WDR89: variants seen among roughly 807,000 people sequenced by gnomAD.
WDR89 encodes WD repeat domain 89.
In WDR89, 17 loss-of-function variants were observed where a neutral mutation model predicts 29.1. The ratio of observed to expected loss-of-function variants is 0.58; its 90% CI spans 0.40 to 0.88. The LOEUF (loss-of-function observed/expected upper bound fraction) is 0.88. Among genes scored for constraint, WDR89 ranks in the 40% least tolerant of loss-of-function variants. The pLI is 0.00. For missense variants in WDR89, 396 were observed against 456.3 expected (o/e 0.87, Z 1.20); for synonymous variants, 138 against 157.8 (o/e 0.87, Z 0.94).
At chr14:63,601,420 G>A (rs2139486755) in intron 2 of WDR89, 1 of 827,924 alleles carries the variant, frequency 1.2e-6, no homozygotes, top group Non-Finnish European at 2.0e-6. Context: ...TGTAGGACAA[G>A]TTCAAGGCCA....
At chr14:63,627,396 T>C (rs538761050) in intron 1 of WDR89, among the ~76,000 whole-genome samples, 13 of 152,290 alleles carry the variant, frequency 8.5e-5, no homozygotes, top group South Asian at 8.3e-4. Flanking sequence ...AATTAGAGTA[T>C]TGCCACATAA....
rs35582220 is a variant in WDR89 at position 63,626,676 on chromosome 14, CAAAAAAAAAAAAAAAAAAA to C, written c.-137-1662_-137-1644del. On this transcript the variant is annotated intron_variant, in intron 1 of 2. Transcript: ENST00000620954. ...CCTGGGCTACAGAGTGAGACTGTCT[CAAAAAAAAAAAAAAAAAAA>C]AAAAAAAAAAAAAAAGTTCCGTCTT... Among the ~76,000 whole-genome samples the C allele has an allele frequency of 8.4e-4, 29 of 34,588 alleles. 1 individual carries two copies. The South Asian group carries it at 0.017, about 21-fold the overall frequency. The allele number at this position is 34,588 out of a possible 152,430, so 22.7% of individuals were successfully genotyped here.
intron 1 of WDR89, among the ~76,000 whole-genome samples, chr14:63,632,322 T>C (rs1424034448): frequency 6.6e-6 from 1 of 151,254 alleles, no homozygotes; most frequent in Non-Finnish European, 1.5e-5. Context: ...CTATAGGAAG[T>C]AGCAGCACTT....
chr14:63,608,666 G>GCACACACACACA lies in WDR89; in HGVS notation c.-31-8705_-31-8694dup, dbSNP rs57605983. Among the ~76,000 whole-genome samples the GCACACACACACA allele has an allele frequency of 7.6e-3, 1,101 of 144,732 alleles. 8 individuals are homozygous for GCACACACACACA. The highest frequency in any genetic ancestry group is 0.014 in the African/African-American group (549 of 39,806). 94.9% of individuals were successfully genotyped at this position (144,732 alleles called of 152,430 possible). A position where few individuals can be genotyped will look rare whatever the true frequency, so the allele number is the denominator to read the frequency against. On this transcript the variant is annotated intron_variant, in intron 2 of 2. Transcript: ENST00000620954. Reference sequence around the variant, plus strand: ...ACAAAAACCAGCCAGTGTGGTGCATGCACACACACACACACACACACACAC... The same window carrying GCACACACACACA: ...ACAAAAACCAGCCAGTGTGGTGCATGCACACACACACACACACACACACACACACACACACAC...
intron 2 of WDR89, among the ~76,000 whole-genome samples, chr14:63,605,514 C>T (rs1399850172): frequency 6.6e-6 from 1 of 151,630 alleles, no homozygotes; most frequent in Non-Finnish European, 1.5e-5. Flanking sequence ...GGCTGTAATG[C>T]AGTGGCACCA....
intron 1 of WDR89, among the ~76,000 whole-genome samples, chr14:63,635,292 G>T (rs139818037): frequency 6.6e-6 from 1 of 152,120 alleles, no homozygotes; most frequent in Non-Finnish European, 1.5e-5. Context: ...GATCAAGTAG[G>T]TTTCATACCA....
At chr14:63,600,735 AAAAAAAAAAAAAAAAAAAAG>A in intron 2 of WDR89, among the ~76,000 whole-genome samples, 1 of 135,934 alleles carries the variant, frequency 7.4e-6, no homozygotes, top group Non-Finnish European at 1.5e-5. Flanking sequence ...AAAAAAAAAA[AAAAAAAAAAAAAAAAAAAAG>A]GTTTCCCAAA....
At position 63,641,122 on chromosome 14, in the gene WDR89, G is replaced by C. The variant is rs1023929227; in HGVS notation, c.-138+682C>G. Among the ~76,000 whole-genome samples the C allele has an allele frequency of 7.6e-5, 11 of 144,346 alleles. No individual in the cohort carries two copies. In the South Asian group the frequency reaches 2.2e-3, roughly 29 times the overall value. The allele number at this position is 144,346 out of a possible 152,430, so 94.7% of individuals were successfully genotyped here. ...CAAAAAAAAAAAAAAAAAAGAAAAA[G>C]AAAAAGAAAAACAAAAAAGAAAACA... On this transcript the variant is annotated intron_variant, in intron 1 of 2. Coordinates refer to ENST00000620954, the MANE Select transcript of WDR89 (RefSeq NM_080666.4).
chr14:63,630,370 C>T (rs534521804), intron 1 of WDR89, among the ~76,000 whole-genome samples: 83 of 150,682 alleles, frequency 5.5e-4, no homozygotes, highest in East Asian at 1.8e-3. Flanking sequence ...GGGCTGGGCG[C>T]GGTAGCTCAC....
At chr14:63,613,528 G>C (rs1334651130) in intron 2 of WDR89, among the ~76,000 whole-genome samples, 1 of 141,808 alleles carries the variant, frequency 7.1e-6, no homozygotes, top group African/African-American at 2.6e-5. Context: ...TTTGAGACAA[G>C]AGTCTCACTC....
chr14:63,607,913 A>G (rs1242069165), intron 2 of WDR89, among the ~76,000 whole-genome samples: 1 of 151,248 alleles, frequency 6.6e-6, no homozygotes, highest in Non-Finnish European at 1.5e-5. Context: ...GAAAAAGGAA[A>G]GAAACCCCAG....
At chr14:63,606,179 C>A (rs1330246993) in intron 2 of WDR89, among the ~76,000 whole-genome samples, 1 of 152,072 alleles carries the variant, frequency 6.6e-6, no homozygotes, top group African/African-American at 2.4e-5. Context: ...AACTTCTGGG[C>A]TCAAGCAATC....
intron 1 of WDR89, among the ~76,000 whole-genome samples, chr14:63,639,653 T>C (rs1883971705): frequency 1.3e-5 from 2 of 152,170 alleles, no homozygotes; most frequent in South Asian, 4.1e-4. Context: ...TTCTCTTGTA[T>C]TTTCTACCAA....
At chr14:63,622,582 A>G (rs1165492821) in intron 2 of WDR89, among the ~76,000 whole-genome samples, 2 of 152,094 alleles carry the variant, frequency 1.3e-5, no homozygotes, top group African/African-American at 4.8e-5. Flanking sequence ...CTTCATCTCA[A>G]AAAAACAAAC....
At chr14:63,620,019 A>AAAAAAG (rs1566795854) in intron 2 of WDR89, among the ~76,000 whole-genome samples, 1 of 151,692 alleles carries the variant, frequency 6.6e-6, no homozygotes. Flanking sequence ...AAAAAAAAAA[A>AAAAAAG]AAAAAGAAAA....
intron 1 of WDR89, among the ~76,000 whole-genome samples, chr14:63,627,225 T>C (rs1245056446): frequency 6.6e-6 from 1 of 151,898 alleles, no homozygotes; most frequent in African/African-American, 2.4e-5. Flanking sequence ...TCTGGTACTA[T>C]ATAATAAAAC....
intron 1 of WDR89, among the ~76,000 whole-genome samples, chr14:63,636,119 G>C (rs1045791348): frequency 1.3e-5 from 2 of 152,114 alleles, no homozygotes; most frequent in Non-Finnish European, 2.9e-5. Flanking sequence ...TCAGGCAGGA[G>C]AACTGCTCAA....
intron 1 of WDR89, among the ~76,000 whole-genome samples, chr14:63,636,157 C>A (rs776561640): frequency 6.6e-6 from 1 of 152,074 alleles, no homozygotes; most frequent in Non-Finnish European, 1.5e-5. Context: ...TGCAGTGAGC[C>A]AGAGCAAGGC....
chr14:63,636,871 C>T (rs899428167), intron 1 of WDR89, among the ~76,000 whole-genome samples: 5 of 152,012 alleles, frequency 3.3e-5, no homozygotes, highest in African/African-American at 9.7e-5. Flanking sequence ...ATTTCATGAC[C>T]AAGAACCCAA....
Sources: allele counts gnomAD v4.1 joint callset (sites outside exome capture counted in the v4.1 genomes callset), GRCh38; gene constraint gnomAD v4.1.1; transcripts MANE v1.5; gene names NCBI Gene and HGNC (gene_info 2026-07-23, HGNC 2026-07-21).